MAST4: variants seen among roughly 807,000 people sequenced by gnomAD.
The protein encoded by MAST4 is microtubule-associated serine/threonine-protein kinase 4.
A neutral mutation model predicts 162.7 loss-of-function variants in MAST4; 89 were observed. That is an observed-to-expected ratio of 0.55 (90% CI 0.46 to 0.65). The LOEUF (loss-of-function observed/expected upper bound fraction) is 0.65. Among genes scored for constraint, MAST4 ranks in the 30% least tolerant of loss-of-function variants. The pLI is 0.00. For missense variants in MAST4, 3,153 were observed against 3,374.0 expected (o/e 0.93, Z 1.62); for synonymous variants, 1,479 against 1,361.1 (o/e 1.09, Z -1.91).
At chr5:66,706,734 GAA>G (rs933500484) in intron 1 of MAST4, among the ~76,000 whole-genome samples, 8 of 151,984 alleles carry the variant, frequency 5.3e-5, no homozygotes, top group African/African-American at 1.7e-4. Flanking sequence ...GCCATTATAT[GAA>G]AAAGAGACTT....
At chr5:66,980,819 A>G (rs1748711831) in intron 4 of MAST4, among the ~76,000 whole-genome samples, 2 of 152,166 alleles carry the variant, frequency 1.3e-5, no homozygotes, top group East Asian at 1.9e-4. Context: ...CAGTTTTAGA[A>G]TAAATGCTCT....
At position 67,163,634 on chromosome 5, in the gene MAST4, G is replaced by T; in HGVS notation, c.4455G>T (p.Pro1485=). Residue 1485 remains proline (P), a synonymous_variant, in exon 29 of 29, where the codon CCG becomes CCT. Coordinates refer to ENST00000403625, the MANE Select transcript of MAST4 (RefSeq NM_001164664.2). This position sits in a 1 kb window ranked among gnomAD's most constrained non-coding sequence, Gnocchi z 7.0. ...VQREQSQREA[P]LQSLDENVCD... The stretch of plus-strand genomic sequence containing the variant: ...GGGAGCAGTCCCAGCGGGAGGCGCC[G>T]CTGCAGAGCCTGGATGAGAACGTGT... 1.2e-6 allele frequency: 2 copies of T among 1,605,918 alleles called. No individual in the cohort carries two copies. The highest frequency in any genetic ancestry group is 1.1e-5 in the South Asian group (1 of 89,956).
In MAST4 at chr5:67,110,180, C is replaced by T; in HGVS notation, c.1439C>T (p.Ala480Val). 6.2e-7 allele frequency: 1 copy of T among 1,613,206 alleles called. No homozygotes were observed. The highest frequency in any genetic ancestry group is 8.5e-7 in the Non-Finnish European group (1 of 1,179,232). Residue 480 changes from alanine to valine, a missense_variant, in exon 11 of 29, where the codon GCT (alanine) becomes GTT (valine). Transcript: ENST00000403625. ...RKILIVIARP[A>V]RLLECLEFDP... Reference sequence around the variant, plus strand: ...ATCCTAATTGTTATTGCCCGCCCTGCTCGGTTATTAGAGTGCCTGGTAAGT... The same window carrying T: ...ATCCTAATTGTTATTGCCCGCCCTGTTCGGTTATTAGAGTGCCTGGTAAGT...
At chr5:66,895,623 A>G (rs1267267569) in intron 3 of MAST4, among the ~76,000 whole-genome samples, 1 of 152,164 alleles carries the variant, frequency 6.6e-6, no homozygotes, top group African/African-American at 2.4e-5. Context: ...TTATGAAAAC[A>G]TACCTGAAAT....
chr5:66,631,812 A>G (rs1038501034), intron 1 of MAST4, among the ~76,000 whole-genome samples: 3 of 152,318 alleles, frequency 2.0e-5, no homozygotes, highest in Middle Eastern at 3.4e-3. Context: ...AAAGAAACCT[A>G]TGAAGTAGAT....
At chr5:66,865,034 G>A (rs1760404019) in intron 3 of MAST4, among the ~76,000 whole-genome samples, 1 of 152,194 alleles carries the variant, frequency 6.6e-6, no homozygotes, top group Admixed American at 6.5e-5. Flanking sequence ...GAGAGAACAG[G>A]AGAGAAAAAC....
At chr5:66,755,143 A>G (rs1011869822) in intron 1 of MAST4, among the ~76,000 whole-genome samples, 1 of 152,176 alleles carries the variant, frequency 6.6e-6, no homozygotes, top group Non-Finnish European at 1.5e-5. Flanking sequence ...GAGAAAGGGG[A>G]TGGCAGGGAC....
At chr5:67,128,557 G>A (rs183333054) in intron 14 of MAST4, among the ~76,000 whole-genome samples, 1 of 152,062 alleles carries the variant, frequency 6.6e-6, no homozygotes, top group Non-Finnish European at 1.5e-5. Context: ...AAAAAGATGG[G>A]CATGATGAAA....
At chr5:66,993,563 A>C (rs1237182238) in intron 4 of MAST4, among the ~76,000 whole-genome samples, 1 of 152,198 alleles carries the variant, frequency 6.6e-6, no homozygotes, top group East Asian at 1.9e-4. Flanking sequence ...ACTTTGCTGG[A>C]GAGGTGACCT....
chr5:67,167,023 G>A lies in MAST4; in HGVS notation c.7844G>A (p.Arg2615His), dbSNP rs1232939668. ...CAGAGGCGGGGGAAAGAGAGTTTGCGTAGCAGCCCTCACAAAAAGGCCTTG... is the reference window on the plus strand; with the variant it reads ...CAGAGGCGGGGGAAAGAGAGTTTGCATAGCAGCCCTCACAAAAAGGCCTTG... ...VRQRRGKESL[R>H]SSPHKKAL The change falls in exon 29 of 29, where the codon CGT becomes CAT. Residue 2615 changes from arginine (R) to histidine (H), a missense_variant. By Grantham distance (29) the Arg-to-His change is conservative (BLOSUM62 0). Coordinates refer to ENST00000403625, the MANE Select transcript of MAST4 (RefSeq NM_001164664.2). 1 of 1,597,626 alleles carries A rather than the reference G, an allele frequency of 6.3e-7. No homozygotes were observed. Among genetic ancestry groups the A allele is most frequent in the South Asian group, 1.1e-5 (1 of 89,316 alleles).
chr5:66,838,091 A>G (rs1440203853), intron 3 of MAST4, among the ~76,000 whole-genome samples: 1 of 151,668 alleles, frequency 6.6e-6, no homozygotes, highest in Non-Finnish European at 1.5e-5. Flanking sequence ...TAAGGGACCC[A>G]TGGCACTGGT....
At chr5:66,874,290 T>C (rs2149882914) in intron 3 of MAST4, among the ~76,000 whole-genome samples, 1 of 152,346 alleles carries the variant, frequency 6.6e-6, no homozygotes, top group Middle Eastern at 3.4e-3. Flanking sequence ...CAGTTATTTG[T>C]AGAGCTGGTA....
At chr5:66,612,960 A>G (rs1050172339) in intron 1 of MAST4, among the ~76,000 whole-genome samples, 2 of 152,242 alleles carry the variant, frequency 1.3e-5, no homozygotes, top group East Asian at 3.8e-4. Context: ...GAAACAACAT[A>G]CTATGAAGAT....
At chr5:67,139,069 A>G (rs1770049722) in intron 19 of MAST4, among the ~76,000 whole-genome samples, 1 of 152,178 alleles carries the variant, frequency 6.6e-6, no homozygotes, top group Non-Finnish European at 1.5e-5. Flanking sequence ...CAAATCCCCT[A>G]ACAGAAATCC....
intron 3 of MAST4, among the ~76,000 whole-genome samples, chr5:66,824,726 T>C (rs1757160189): frequency 6.6e-6 from 1 of 152,236 alleles, no homozygotes; most frequent in Admixed American, 6.5e-5. Flanking sequence ...TTGAGTGTAC[T>C]TACACAAACC....
At chr5:66,613,071 G>A (rs1373462240) in intron 1 of MAST4, among the ~76,000 whole-genome samples, 2 of 152,040 alleles carry the variant, frequency 1.3e-5, no homozygotes, top group Non-Finnish European at 2.9e-5. Context: ...ATTAAACAAT[G>A]TTTACAATTA....
intron 4 of MAST4, among the ~76,000 whole-genome samples, chr5:67,017,359 A>G (rs1321998953): frequency 2.0e-5 from 3 of 152,194 alleles, no homozygotes; most frequent in Non-Finnish European, 2.9e-5. Context: ...AGGGTTAAAG[A>G]AAGTGTGTCT....
chr5:66,932,037 T>A (rs533874840), intron 4 of MAST4, among the ~76,000 whole-genome samples: 1 of 152,314 alleles, frequency 6.6e-6, no homozygotes, highest in South Asian at 2.1e-4. Context: ...GACTTCCTCC[T>A]TCAGTGAACG....
chr5:66,824,482 A>T (rs1229503731), intron 3 of MAST4, among the ~76,000 whole-genome samples: 1 of 152,220 alleles, frequency 6.6e-6, no homozygotes, highest in Non-Finnish European at 1.5e-5. Flanking sequence ...ATGGGGCTGG[A>T]TTAGGCCAGT....
Sources: allele counts gnomAD v4.1 joint callset (sites outside exome capture counted in the v4.1 genomes callset), GRCh38; gene constraint gnomAD v4.1.1; non-coding constraint Gnocchi (gnomAD v3.1); transcripts MANE v1.5; gene names NCBI Gene and HGNC (gene_info 2026-07-23, HGNC 2026-07-21).